KDM4C: variants seen among roughly 807,000 people sequenced by gnomAD.
KDM4C encodes the protein lysine demethylase 4C, also known as lysine-specific demethylase 4C.
KDM4C carries 81 observed loss-of-function variants against 129.3 expected under a neutral mutation model. That is an observed-to-expected ratio of 0.63 (90% CI 0.52 to 0.75). KDM4C has a LOEUF of 0.75. KDM4C is among the 30% of genes least tolerant of loss of function. The probability of loss-of-function intolerance (pLI) is 0.00; values close to 1 mark genes in which losing one functional copy is unlikely to be tolerated. For missense variants in KDM4C, 1,457 were observed against 1,304.0 expected (o/e 1.12, Z -1.81); for synonymous variants, 573 against 456.1 (o/e 1.26, Z -3.26).
At chr9:6,745,781 G>A (rs1438526140) in intron 1 of KDM4C, among the ~76,000 whole-genome samples, 1 of 151,744 alleles carries the variant, frequency 6.6e-6, no homozygotes, top group African/African-American at 2.4e-5. Context: ...TGGGACTAGT[G>A]CATGCCACCA....
intron 1 of KDM4C, among the ~76,000 whole-genome samples, chr9:6,731,537 G>A (rs1175609017): frequency 1.3e-5 from 2 of 151,856 alleles, no homozygotes; most frequent in Non-Finnish European, 2.9e-5. Context: ...GTTTCTCCAT[G>A]TTGAGGCTGG....
At chr9:6,971,685 A>AAT (rs1351619853) in intron 8 of KDM4C, among the ~76,000 whole-genome samples, 4 of 152,220 alleles carry the variant, frequency 2.6e-5, no homozygotes, top group East Asian at 1.9e-4. Flanking sequence ...GCTCCTTAAT[A>AAT]TTTATGACAT....
rs571626274 is a variant in KDM4C, at chr9:7,081,036, ACTT to A, written c.2425-22646_2425-22644del. ...AGAGACTAATGCTACAGCTTGAACAACTTCTGCTATTGTAAGTCTTTTTACAAA... is the reference window on the plus strand; with the variant it reads ...AGAGACTAATGCTACAGCTTGAACAACTGCTATTGTAAGTCTTTTTACAAA... On this transcript the variant is annotated intron_variant, in intron 17 of 21. Coordinates refer to ENST00000381309, the MANE Select transcript of KDM4C (RefSeq NM_015061.6). Among the ~76,000 whole-genome samples, 356 of 152,340 alleles carry A rather than the reference ACTT, an allele frequency of 2.3e-3. 1 individual carries two copies. Among genetic ancestry groups the A allele is most frequent in the African/African-American group, 8.2e-3 (340 of 41,572 alleles).
chr9:6,933,687 GAC>G (rs1459450549), intron 8 of KDM4C, among the ~76,000 whole-genome samples: 15 of 152,158 alleles, frequency 9.9e-5, no homozygotes, highest in Admixed American at 2.6e-4. Context: ...ACACATGTAA[GAC>G]AGTGTGTAAA....
rs576252069 is a variant in KDM4C at position 6,793,971 on chromosome 9, A to G, written c.144+839A>G. Among the ~76,000 whole-genome samples, 17 of 152,346 alleles carry G rather than the reference A, an allele frequency of 1.1e-4. No homozygotes were observed. In the East Asian group the frequency reaches 1.5e-3, roughly 14 times the overall value. ...AGAATTGTGCAATCATTACCGCTAT[A>G]GAATTCTGTAACATTTTCATCATCC... On this transcript the variant is annotated intron_variant, in intron 2 of 21. Coordinates refer to ENST00000381309, the MANE Select transcript of KDM4C (RefSeq NM_015061.6).
chr9:6,980,066 T>A (rs1472729892), intron 8 of KDM4C, among the ~76,000 whole-genome samples: 2 of 152,216 alleles, frequency 1.3e-5, no homozygotes, highest in African/African-American at 4.8e-5. Context: ...AGTCTTATTG[T>A]GTCAAAACTG....
intron 6 of KDM4C, among the ~76,000 whole-genome samples, chr9:6,883,956 A>G (rs1207465104): frequency 1.3e-5 from 2 of 152,204 alleles, no homozygotes; most frequent in African/African-American, 4.8e-5. Flanking sequence ...CACACACACC[A>G]GTTAAACTGG....
Position 7,128,057 on chromosome 9 carries a change from T to G in KDM4C, c.2611-9T>G, listed in dbSNP as rs183177903. 475 of 1,480,876 alleles carry G rather than the reference T, an allele frequency of 3.2e-4. No individual in the cohort carries two copies. In the African/African-American group the frequency reaches 5.8e-3, roughly 18 times the overall value. 91.7% of individuals were successfully genotyped at this position (1,480,876 alleles called of 1,614,324 possible). On this transcript the variant is annotated splice_polypyrimidine_tract_variant and intron_variant, in intron 18 of 21. Transcript: ENST00000381309. ...TTCTTTTCTTCCTTTTTTGTGTCCC[T>G]TCTTTTAGAAGTCCAAGGCTTGCGA...
chr9:6,726,302 A>T (rs1817125725), intron 1 of KDM4C, among the ~76,000 whole-genome samples: 1 of 152,180 alleles, frequency 6.6e-6, no homozygotes, highest in Non-Finnish European at 1.5e-5. Flanking sequence ...TATTTGTCTG[A>T]AGTGTAAATG....
chr9:6,788,578 T>C (rs1338681397), intron 1 of KDM4C, among the ~76,000 whole-genome samples: 2 of 152,266 alleles, frequency 1.3e-5, no homozygotes. Context: ...GGTATCATTA[T>C]GTAAATATGT....
At chr9:6,775,749 T>G (rs957095601) in intron 1 of KDM4C, among the ~76,000 whole-genome samples, 9 of 152,116 alleles carry the variant, frequency 5.9e-5, no homozygotes, top group African/African-American at 2.2e-4. Context: ...CTCGAACTCC[T>G]GACCTCAGGT....
intron 8 of KDM4C, among the ~76,000 whole-genome samples, chr9:6,957,658 T>A (rs1352617291): frequency 6.6e-6 from 1 of 152,152 alleles, no homozygotes; most frequent in Non-Finnish European, 1.5e-5. Flanking sequence ...GTTGCACAAT[T>A]GTGTTGTTTG....
intron 19 of KDM4C, among the ~76,000 whole-genome samples, chr9:7,160,088 A>C (rs965439552): frequency 2.6e-5 from 4 of 152,088 alleles, no homozygotes; most frequent in South Asian, 4.2e-4. Context: ...TTTGATCTTC[A>C]ATCACTGATA....
intron 17 of KDM4C, among the ~76,000 whole-genome samples, chr9:7,076,018 C>T (rs1460730027): frequency 6.6e-6 from 1 of 152,108 alleles, no homozygotes; most frequent in Admixed American, 6.6e-5. Flanking sequence ...ATAGAACGAA[C>T]ATTTATGGCA....
chr9:6,721,201 G>T, intron 1 of KDM4C: 1 of 283,280 alleles, frequency 3.5e-6, no homozygotes, highest in Non-Finnish European at 6.6e-6. Flanking sequence ...AGTCTTCCCA[G>T]TAGCTGGGAT....
intron 19 of KDM4C, among the ~76,000 whole-genome samples, chr9:7,142,369 C>T (rs905111531): frequency 6.6e-6 from 1 of 152,168 alleles, no homozygotes; most frequent in Non-Finnish European, 1.5e-5. Context: ...CCACTTTGGC[C>T]TCCCAAAATG....
intron 12 of KDM4C, among the ~76,000 whole-genome samples, chr9:6,998,054 A>C (rs1409597768): frequency 6.6e-6 from 1 of 152,194 alleles, no homozygotes; most frequent in Non-Finnish European, 1.5e-5. Flanking sequence ...GATTTTCTCT[A>C]ATCTGAATTT....
chr9:6,819,560 G>A (rs1467610110), intron 4 of KDM4C, among the ~76,000 whole-genome samples: 1 of 152,178 alleles, frequency 6.6e-6, no homozygotes, highest in African/African-American at 2.4e-5. Context: ...ACATTTTCAT[G>A]CTTTTGTAGC....
chr9:6,799,027 C>G (rs1828370331), intron 2 of KDM4C, among the ~76,000 whole-genome samples: 1 of 150,404 alleles, frequency 6.6e-6, no homozygotes, highest in Admixed American at 6.6e-5. Flanking sequence ...AAGAGGCGCT[C>G]CTCACTTCCT....
Sources: gnomAD v4.1 joint callset for allele counts (sites outside exome capture counted in the v4.1 genomes callset) on GRCh38, gnomAD v4.1.1 for gene constraint, MANE v1.5 for transcripts, NCBI Gene and HGNC (gene_info 2026-07-23, HGNC 2026-07-21) for gene names.